The following RSPO1 variants were observed in gnomAD, a reference collection of about 807,000 sequenced individuals.
RSPO1 encodes R-spondin 1.
In RSPO1, 18 loss-of-function variants were observed where a neutral mutation model predicts 26.0. That is an observed-to-expected ratio of 0.69 (90% CI 0.48 to 1.03). The LOEUF is 1.03. Ranked by LOEUF, RSPO1 falls within the 50% of genes least tolerant of loss-of-function variation. The pLI, the probability that RSPO1 is intolerant of heterozygous loss-of-function variation, is 0.00. For synonymous variants in RSPO1, 133 were observed against 137.4 expected (o/e 0.97, Z 0.22); for missense variants, 309 against 352.3 (o/e 0.88, Z 0.98).
At chr1:37,627,685 AAAAC>A (rs1644298966) in intron 3 of RSPO1, among the ~76,000 whole-genome samples, 1 of 124,158 alleles carries the variant, frequency 8.1e-6, no homozygotes, top group South Asian at 2.6e-4. Flanking sequence ...AAAACAAAAC[AAAAC>A]AAAACTATAT....
At position 37,613,776 on chromosome 1, in the gene RSPO1, C is replaced by A. The variant is rs368673186; in HGVS notation, c.553G>T (p.Gly185Trp). The A allele has an allele frequency of 4.0e-5, 64 of 1,614,048 alleles. No homozygotes were observed. In the East Asian group the frequency reaches 9.8e-4, roughly 25 times the overall value. ...RTRRVLHAPV[G>W]DHAACSDTKE... ...GTGTCAGAGCAGGCAGCATGGTCCC[C>A]CACAGGGGCATGTAGCACCCTGCGT... Residue 185 changes from glycine to tryptophan, a missense_variant, in exon 6 of 7, where the codon GGG becomes TGG. Physicochemically the swap from Gly to Trp is radical, Grantham distance 184. Coordinates refer to ENST00000356545, the MANE Select transcript of RSPO1 (RefSeq NM_001242908.2). The surrounding 1 kb of genome is among the most constrained non-coding windows in gnomAD (Gnocchi z 4.5).
At position 37,613,943 on chromosome 1, in the gene RSPO1, G is replaced by T. The variant is rs745904754; in HGVS notation, c.437-51C>A. Reference sequence around the variant, plus strand: ...AGAAGGACAAGGAGGAGGGGATCATGTCTCCTCCTCTGGCCCAGAATAGCC... The same window carrying T: ...AGAAGGACAAGGAGGAGGGGATCATTTCTCCTCCTCTGGCCCAGAATAGCC... On this transcript the variant is annotated intron_variant, in intron 5 of 6. Coordinates refer to ENST00000356545, the MANE Select transcript of RSPO1 (RefSeq NM_001242908.2). The surrounding 1 kb of genome is among the most constrained non-coding windows in gnomAD (Gnocchi z 4.5). 10 of 1,564,888 alleles carry T rather than the reference G, an allele frequency of 6.4e-6. No homozygotes were observed. Among genetic ancestry groups the T allele is most frequent in the African/African-American group, 2.7e-5 (2 of 74,002 alleles).
At position 37,633,031 on chromosome 1, in the gene RSPO1, G is replaced by A. The variant is rs181059529; in HGVS notation, c.-355-678C>T. 2.5e-3 allele frequency among the ~76,000 whole-genome samples: 384 copies of A among 152,332 alleles called. 1 individual carries two copies. Among genetic ancestry groups the A allele is most frequent in the African/African-American group, 8.9e-3 (369 of 41,572 alleles). On this transcript the variant is annotated intron_variant, in intron 1 of 6. Coordinates refer to ENST00000356545, the MANE Select transcript of RSPO1 (RefSeq NM_001242908.2). The stretch of plus-strand genomic sequence containing the variant: ...AGGTTATTGGTGGGGGTAAGAAAGG[G>A]CATTTCTCTCTGCCACTGTGGGGGT...
chr1:37,633,914 G>C (rs1285524981), intron 1 of RSPO1, among the ~76,000 whole-genome samples: 2 of 152,220 alleles, frequency 1.3e-5, no homozygotes, highest in Non-Finnish European at 2.9e-5. Context: ...AGAGCCAAGA[G>C]AGCTGTCCAC....
At chr1:37,633,796 A>G (rs897678476) in intron 1 of RSPO1, among the ~76,000 whole-genome samples, 2 of 151,900 alleles carry the variant, frequency 1.3e-5, no homozygotes, top group Admixed American at 1.3e-4. Context: ...TCACCCCTCC[A>G]TCACCCCCGC....
Position 37,629,687 on chromosome 1 carries a change from G to GGTCGGAGGGGTGGTCTC in RSPO1, c.-43_-27dup. The GGTCGGAGGGGTGGTCTC allele has an allele frequency of 6.2e-7, 1 of 1,613,446 alleles. No individual in the cohort carries two copies. The highest frequency in any genetic ancestry group is 8.5e-7 in the Non-Finnish European group (1 of 1,179,798). On this transcript the variant is annotated 5_prime_UTR_variant, in exon 3 of 7. Transcript: ENST00000356545. ...AGTCACGCGCCAGCTCCAGGCCCCT[G>GGTCGGAGGGGTGGTCTC]GTCGGAGGGGTGGTCTCGGGGAGGG... is the stretch of plus-strand genomic sequence containing the variant.
In RSPO1 at chr1:37,618,356, G is replaced by C. The variant is rs1025489435; in HGVS notation, c.95-1681C>G. Among the ~76,000 whole-genome samples the C allele has an allele frequency of 2.6e-5, 4 of 152,298 alleles. No homozygotes were observed. The South Asian group carries it at 8.3e-4, about 32-fold the overall frequency. On this transcript the variant is annotated intron_variant, in intron 3 of 6. Coordinates refer to ENST00000356545, the MANE Select transcript of RSPO1 (RefSeq NM_001242908.2). Reference sequence around the variant, plus strand: ...CTCCTGTGCACAGTGACTCTCTGAGGGGGGACAGAGTGAACTGCATTTCCC... The same window carrying C: ...CTCCTGTGCACAGTGACTCTCTGAGCGGGGACAGAGTGAACTGCATTTCCC...
chr1:37,629,447 A>C, intron 3 of RSPO1, 121 bp downstream of exon 3: 1 of 771,836 alleles, frequency 1.3e-6, no homozygotes, highest in Admixed American at 2.0e-5. Flanking sequence ...CAAAGCTATA[A>C]TAGATAGAGT....
rs1644118015 is a variant in RSPO1 at position 37,616,667 on chromosome 1, C to T, written c.103G>A (p.Glu35Lys). ...KGKRQRRISA[E>K]GSQACAKGCE... ...CCTTTGGCACAGGCCTGGCTCCCCTCGGCACTGACTGCAAAGGTGGAGCAG... is the reference window on the plus strand; with the variant it reads ...CCTTTGGCACAGGCCTGGCTCCCCTTGGCACTGACTGCAAAGGTGGAGCAG... Residue 35 changes from glutamate (E) to lysine (K), a missense_variant, in exon 4 of 7, where the codon GAG becomes AAG. Transcript: ENST00000356545. The T allele has an allele frequency of 2.5e-6, 4 of 1,613,972 alleles. No homozygotes were observed. Among genetic ancestry groups the T allele is most frequent in the East Asian group, 2.2e-5 (1 of 44,886 alleles).
At chr1:37,614,653 G>A (rs1320269385) in intron 4 of RSPO1, among the ~76,000 whole-genome samples, 1 of 152,252 alleles carries the variant, frequency 6.6e-6, no homozygotes, top group Non-Finnish European at 1.5e-5. Flanking sequence ...CAGAGGCGGA[G>A]GGTGGGGCCG....
At chr1:37,632,739 G>A (rs1644378053) in intron 1 of RSPO1, among the ~76,000 whole-genome samples, 1 of 152,194 alleles carries the variant, frequency 6.6e-6, no homozygotes, top group African/African-American at 2.4e-5. Context: ...AGGGCCACAG[G>A]TCCCTGCCTC....
rs1266647137 is a variant in RSPO1 at position 37,614,184 on chromosome 1, C to G, written c.436G>C (p.Ala146Pro). ...GCCCACAGTGCCTGCCATGGCTTAC[C>G]AGGACTACTGCACTCCATGGTGCCA... ...ANGTMECSSPAQCEMSEWSPW... is the reference protein window; with the variant it reads ...ANGTMECSSPPQCEMSEWSPW... The change falls in exon 5 of 7, where the codon GCG becomes CCG. Residue 146 changes from alanine to proline, a missense_variant and splice_region_variant. By Grantham distance (27) the Ala-to-Pro change is conservative. Coordinates refer to ENST00000356545, the MANE Select transcript of RSPO1 (RefSeq NM_001242908.2). 2.5e-6 allele frequency: 4 copies of G among 1,612,552 alleles called. No homozygotes were observed. Among genetic ancestry groups the G allele is most frequent in the African/African-American group, 2.7e-5 (2 of 75,006 alleles).
chr1:37,613,658 C>T lies in RSPO1; in HGVS notation c.625+46G>A, dbSNP rs573762335. 6.5e-7 allele frequency: 1 copy of T among 1,536,474 alleles called. No homozygotes were observed. Among genetic ancestry groups the T allele is most frequent in the African/African-American group, 1.4e-5 (1 of 73,352 alleles). ...GCAGAGGTGGCAGGACCTGTCATGGCTGGTGCCTGAGCCCTGACCCCAGGG... is the reference window on the plus strand; with the variant it reads ...GCAGAGGTGGCAGGACCTGTCATGGTTGGTGCCTGAGCCCTGACCCCAGGG... On this transcript the variant is annotated intron_variant, in intron 6 of 6. Coordinates refer to ENST00000356545, the MANE Select transcript of RSPO1 (RefSeq NM_001242908.2). The surrounding 1 kb of genome is among the most constrained non-coding windows in gnomAD (Gnocchi z 4.5).
chr1:37,612,501 T>G lies in RSPO1; in HGVS notation c.*254A>C, dbSNP rs1644038207. ...GGAAGTGTCTTCTGGTGGCCTCAGG[T>G]GTGTGTGTGTGTGTGTGTGTATGTG... On this transcript the variant is annotated 3_prime_UTR_variant, in exon 7 of 7. Coordinates refer to ENST00000356545, the MANE Select transcript of RSPO1 (RefSeq NM_001242908.2). The G allele has an allele frequency of 6.9e-6, 3 of 432,502 alleles. No individual in the cohort carries two copies. Among genetic ancestry groups the G allele is most frequent in the African/African-American group, 6.5e-5 (3 of 45,930 alleles). 26.8% of individuals were successfully genotyped at this position (432,502 alleles called of 1,614,324 possible).
At chr1:37,619,995 C>T (rs187224169) in intron 3 of RSPO1, among the ~76,000 whole-genome samples, 17 of 152,128 alleles carry the variant, frequency 1.1e-4, no homozygotes, top group Non-Finnish European at 1.8e-4. Flanking sequence ...GTGATCCACC[C>T]GCCTGGGCCT....
intron 3 of RSPO1, among the ~76,000 whole-genome samples, chr1:37,621,521 G>T (rs1644202603): frequency 6.6e-6 from 1 of 152,226 alleles, no homozygotes; most frequent in South Asian, 2.1e-4. Context: ...TCAACAAGAG[G>T]GGGTGAGGGG....
At chr1:37,614,441 G>A in intron 4 of RSPO1, 108 bp from the exon 5 acceptor site, 1 of 1,275,008 alleles carries the variant, frequency 7.8e-7, no homozygotes. Flanking sequence ...TACATGGAGG[G>A]CAGGACCCTG....
intron 3 of RSPO1, among the ~76,000 whole-genome samples, chr1:37,623,786 G>A (rs552794029): frequency 3.5e-5 from 5 of 143,450 alleles, no homozygotes; most frequent in African/African-American, 1.3e-4. Flanking sequence ...TTGAAATGGT[G>A]TCTCACCCTG....
rs202108743 is a variant in RSPO1 at position 37,629,602 on chromosome 1, G to A, written c.60C>T (p.Ser20=). The A allele has an allele frequency of 2.9e-4, 466 of 1,614,110 alleles. No homozygotes were observed. The highest frequency in any genetic ancestry group is 3.6e-4 in the Non-Finnish European group (426 of 1,180,022). Residue 20 remains serine (S), a synonymous_variant, in exon 3 of 7, where the codon AGC becomes AGT. Coordinates refer to ENST00000356545, the MANE Select transcript of RSPO1 (RefSeq NM_001242908.2). ...LVLSWTHLTI[S]SRGIKGKRQR... ...GCCTTTTCCCCTTGATCCCCCGGCT[G>A]CTGATGGTGAGGTGCGTCCAGCTCA... is the stretch of plus-strand genomic sequence containing the variant.
Sources: allele counts gnomAD v4.1 joint callset (sites outside exome capture counted in the v4.1 genomes callset), GRCh38; gene constraint gnomAD v4.1.1; non-coding constraint Gnocchi (gnomAD v3.1); transcripts MANE v1.5; gene names NCBI Gene and HGNC (gene_info 2026-07-23, HGNC 2026-07-21).